The following CPB2 variants were observed in gnomAD, a reference collection of about 807,000 sequenced individuals.
CPB2 encodes the protein carboxypeptidase B2.
A neutral mutation model predicts 57.0 loss-of-function variants in CPB2; 54 were observed. The ratio of observed to expected loss-of-function variants is 0.95; its 90% confidence interval spans 0.76 to 1.19. CPB2 has a LOEUF of 1.19. Among genes scored for constraint, CPB2 ranks in the 50% most tolerant of loss-of-function variants. The pLI, the probability that CPB2 is intolerant of heterozygous loss-of-function variation, is 0.00. For missense variants in CPB2, 426 were observed against 512.0 expected, an observed-to-expected ratio of 0.83 and a Z score of 1.62; for synonymous variants, 189 against 178.1, an observed-to-expected ratio of 1.06 and a Z score of -0.49.
intron 1 of CPB2, chr13:46,094,758 C>G (rs551270476): frequency 6.6e-5 from 10 of 152,246 alleles, no homozygotes; most frequent in Non-Finnish European, 1.3e-4. Flanking sequence ...AAGGATTGCT[C>G]AATCTTTACA....
chr13:46,084,643 T>C (rs2045172207), intron 2 of CPB2, among the ~76,000 whole-genome samples: 1 of 152,116 alleles, frequency 6.6e-6, no homozygotes, highest in East Asian at 1.9e-4. Context: ...ATGGCTTAAC[T>C]GTAAAATTGC....
chr13:46,070,546 A>AAACAAC (rs529877163), intron 6 of CPB2, among the ~76,000 whole-genome samples: 2 of 151,944 alleles, frequency 1.3e-5, no homozygotes, highest in Admixed American at 6.6e-5. Context: ...ATGTGGCCCT[A>AAACAAC]AACAACAACA....
chr13:46,100,762 A>G (rs1180001278), intron 1 of CPB2: 1 of 152,204 alleles, frequency 6.6e-6, no homozygotes, highest in African/African-American at 2.4e-5. Flanking sequence ...AGGGCCACCT[A>G]AAGGGATGGA....
chr13:46,101,921 A>C (rs1051819087), intron 1 of CPB2, among the ~76,000 whole-genome samples: 2 of 152,214 alleles, frequency 1.3e-5, no homozygotes, highest in Non-Finnish European at 2.9e-5. Context: ...CACTTTCACC[A>C]TTCTGAAAGA....
intron 6 of CPB2, among the ~76,000 whole-genome samples, chr13:46,069,670 G>A (rs574703809): frequency 2.0e-5 from 3 of 152,198 alleles, no homozygotes; most frequent in East Asian, 1.9e-4. Context: ...GCATGAATCA[G>A]TATTTCATTC....
Position 46,079,558 on chromosome 13 carries a change from AAAG to A in CPB2, c.385-660_385-658del, listed in dbSNP as rs1593901755. On this transcript the variant is annotated intron_variant, in intron 4 of 10. Coordinates refer to ENST00000181383, the MANE Select transcript of CPB2 (RefSeq NM_001872.5). ...AGCAAAAAAAAAAAAAAAAAAAAGA[AAAG>A]AAAAGAAAAGAAAAAAATTCTGACT... Among the ~76,000 whole-genome samples, 3 of 151,420 alleles carry A rather than the reference AAAG, an allele frequency of 2.0e-5. No homozygotes were observed. In the East Asian group the frequency reaches 5.8e-4, roughly 29 times the overall value.
At position 46,053,770 on chromosome 13, in the gene CPB2, C is replaced by G; in HGVS notation, c.1116G>C (p.Trp372Cys). 6.2e-7 allele frequency: 1 copy of G among 1,613,990 alleles called. No homozygotes were observed. Among genetic ancestry groups the G allele is most frequent in the South Asian group, 1.1e-5 (1 of 91,072 alleles). ...AATATTTGATGCCCAAATCATAGATCCAATCGTCCCCACCTCCAGGAGCTA... is the reference window on the plus strand; with the variant it reads ...AATATTTGATGCCCAAATCATAGATGCAATCGTCCCCACCTCCAGGAGCTA... ...LYLAPGGGDD[W>C]IYDLGIKYSF... Residue 372 changes from tryptophan to cysteine, a missense_variant, in exon 11 of 11, where the codon TGG (tryptophan) becomes TGC (cysteine). Physicochemically the swap from Trp to Cys is radical, Grantham distance 215 (BLOSUM62 -2). Coordinates refer to ENST00000181383, the MANE Select transcript of CPB2 (RefSeq NM_001872.5).
At chr13:46,057,289 CA>C (rs1555307767) in intron 9 of CPB2, among the ~76,000 whole-genome samples, 4 of 152,066 alleles carry the variant, frequency 2.6e-5, no homozygotes, top group Non-Finnish European at 4.4e-5. Flanking sequence ...GCTCAAGTAT[CA>C]AGTACATTTA....
chr13:46,093,008 G>A (rs1288255688), intron 1 of CPB2, among the ~76,000 whole-genome samples: 1 of 152,164 alleles, frequency 6.6e-6, no homozygotes, highest in Non-Finnish European at 1.5e-5. Flanking sequence ...CACCTTCTGG[G>A]TTCAAGCGAT....
intron 2 of CPB2, 124 bp from the exon 3 acceptor site, chr13:46,084,467 TC>T: frequency 1.0e-6 from 1 of 970,546 alleles, no homozygotes; most frequent in Non-Finnish European, 1.5e-6. Context: ...CTGGTGCTGG[TC>T]CCCATCCACA....
Position 46,073,835 on chromosome 13 carries a change from A to G in CPB2, c.591+38T>C, listed in dbSNP as rs758236750. 4 of 1,377,354 alleles carry G rather than the reference A, an allele frequency of 2.9e-6. No homozygotes were observed. The South Asian group carries it at 6.3e-5, about 22-fold the overall frequency. The allele number at this position is 1,377,354 out of a possible 1,614,324, so 85.3% of individuals were successfully genotyped here. On this transcript the variant is annotated intron_variant, in intron 6 of 10. Coordinates refer to ENST00000181383, the MANE Select transcript of CPB2 (RefSeq NM_001872.5). ...TCTGACACAGGTGATCTTGGGCACC[A>G]TTTTGAGAAATAGGGTTAAGAGAAT... is the stretch of plus-strand genomic sequence containing the variant.
intron 6 of CPB2, among the ~76,000 whole-genome samples, chr13:46,069,971 T>C (rs1490308629): frequency 6.6e-6 from 1 of 152,184 alleles, no homozygotes; most frequent in Non-Finnish European, 1.5e-5. Context: ...AAGGTACGAT[T>C]TACCAACATG....
At chr13:46,072,243 G>C (rs186975787) in intron 6 of CPB2, among the ~76,000 whole-genome samples, 4 of 152,298 alleles carry the variant, frequency 2.6e-5, no homozygotes, top group African/African-American at 7.2e-5. Context: ...GTAGAAAAGA[G>C]TGAGAGACTT....
intron 6 of CPB2, among the ~76,000 whole-genome samples, chr13:46,069,461 C>T (rs1481117055): frequency 6.6e-6 from 1 of 152,064 alleles, no homozygotes; most frequent in East Asian, 1.9e-4. Context: ...CATAAAAAAT[C>T]CCCATGCCTA....
intron 1 of CPB2, among the ~76,000 whole-genome samples, chr13:46,097,880 G>A (rs1019679131): frequency 9.2e-5 from 14 of 152,102 alleles, no homozygotes; most frequent in South Asian, 4.1e-4. Context: ...TAAAAATTCC[G>A]GTTTCCAGAG....
At chr13:46,101,164 C>G (rs1489336999) in intron 1 of CPB2, 8 of 152,086 alleles carry the variant, frequency 5.3e-5, no homozygotes, top group African/African-American at 1.9e-4. Flanking sequence ...AACTGATCAG[C>G]CTATGCCCAG....
intron 1 of CPB2, among the ~76,000 whole-genome samples, chr13:46,088,693 C>T (rs1457992381): frequency 6.6e-6 from 1 of 152,154 alleles, no homozygotes. Context: ...TCAACTTTTG[C>T]AATCAAATTT....
At chr13:46,068,359 C>G (rs1370286821) in intron 6 of CPB2, among the ~76,000 whole-genome samples, 1 of 151,990 alleles carries the variant, frequency 6.6e-6, no homozygotes, top group Non-Finnish European at 1.5e-5. Flanking sequence ...ATATTATATT[C>G]ATATTTCCCT....
At chr13:46,087,996 T>C (rs1280785856) in intron 1 of CPB2, among the ~76,000 whole-genome samples, 176 bp from the exon 2 acceptor site, 1 of 152,116 alleles carries the variant, frequency 6.6e-6, no homozygotes, top group Non-Finnish European at 1.5e-5. Context: ...TCTCAGTCTT[T>C]ATGCTCCTAA....
Sources: gnomAD v4.1 joint callset for allele counts (sites outside exome capture counted in the v4.1 genomes callset) on GRCh38, gnomAD v4.1.1 for gene constraint, MANE v1.5 for transcripts, NCBI Gene and HGNC (gene_info 2026-07-23, HGNC 2026-07-21) for gene names.